The following B3GALT1 variants were observed in gnomAD, a reference collection of about 807,000 sequenced individuals.
B3GALT1 encodes UDP-Gal:betaGlcNAc beta 1,3-galactosyltransferase, polypeptide 1.
A neutral mutation model predicts 23.2 loss-of-function variants in B3GALT1; 10 were observed. The ratio of observed to expected loss-of-function variants is 0.43; its 90% confidence interval spans 0.27 to 0.73. The LOEUF (loss-of-function observed/expected upper bound fraction) is 0.73, where lower values mean the gene tolerates loss of function less well. Ranked by LOEUF, B3GALT1 falls within the 30% of genes least tolerant of loss-of-function variation. The probability of loss-of-function intolerance (pLI) is 0.21; values close to 1 mark genes in which losing one functional copy is unlikely to be tolerated. For missense variants in B3GALT1, 299 were observed against 405.4 expected, an observed-to-expected ratio of 0.74 and a Z score of 2.25; for synonymous variants, 156 against 141.5, an observed-to-expected ratio of 1.10 and a Z score of -0.73.
intron 4 of B3GALT1, among the ~76,000 whole-genome samples, chr2:167,840,450 G>A (rs1403521209): frequency 6.6e-6 from 1 of 151,884 alleles, no homozygotes; most frequent in Non-Finnish European, 1.5e-5. Context: ...GGCCATCAGA[G>A]AAATGCAAAT....
intron 3 of B3GALT1, among the ~76,000 whole-genome samples, chr2:167,692,893 T>A (rs1254135124): frequency 1.3e-5 from 2 of 152,096 alleles, no homozygotes; most frequent in Non-Finnish European, 2.9e-5. Flanking sequence ...AGAAAACTGA[T>A]GAGATGGGCT....
intron 3 of B3GALT1, among the ~76,000 whole-genome samples, chr2:167,721,398 G>T (rs1687230725): frequency 6.6e-6 from 1 of 152,182 alleles, no homozygotes; most frequent in Non-Finnish European, 1.5e-5. Context: ...ATTATTCCCT[G>T]TTGTAAAAAT....
At chr2:167,553,327 T>G (rs1338173671) in intron 2 of B3GALT1, among the ~76,000 whole-genome samples, 4 of 152,152 alleles carry the variant, frequency 2.6e-5, no homozygotes, top group African/African-American at 7.2e-5. Flanking sequence ...TAATAAAACT[T>G]GGGTTAATAA....
chr2:167,337,546 G>A (rs1204610643), intron 1 of B3GALT1, among the ~76,000 whole-genome samples: 1 of 151,922 alleles, frequency 6.6e-6, no homozygotes, highest in African/African-American at 2.4e-5. Context: ...TGCTGAAATA[G>A]ATTTGTGTAT....
At position 167,810,399 on chromosome 2, in the gene B3GALT1, T is replaced by C. The variant is rs1047777964; in HGVS notation, c.-351-8273T>C. Reference sequence around the variant, plus strand: ...CACTGGAAGCTGTAGAGTGGAGCTGTTCCTATTCGGCCATCTTGGCTCCAC... The same window carrying C: ...CACTGGAAGCTGTAGAGTGGAGCTGCTCCTATTCGGCCATCTTGGCTCCAC... On this transcript the variant is annotated intron_variant, in intron 3 of 4. Coordinates refer to ENST00000392690, the MANE Select transcript of B3GALT1 (RefSeq NM_020981.4). 2.7e-5 allele frequency among the ~76,000 whole-genome samples: 4 copies of C among 150,110 alleles called. 1 individual carries two copies. The highest frequency in any genetic ancestry group is 1.0e-4 in the African/African-American group (4 of 39,700).
At chr2:167,510,911 A>G (rs1351005711) in intron 2 of B3GALT1, among the ~76,000 whole-genome samples, 1 of 152,234 alleles carries the variant, frequency 6.6e-6, no homozygotes, top group African/African-American at 2.4e-5. Context: ...ATTTAAAGCT[A>G]TGAGATGGGA....
intron 2 of B3GALT1, among the ~76,000 whole-genome samples, chr2:167,560,820 C>T (rs1683967751): frequency 6.6e-6 from 1 of 152,116 alleles, no homozygotes; most frequent in African/African-American, 2.4e-5. Context: ...TCCTGGGTGA[C>T]CTACAAAGAG....
intron 1 of B3GALT1, among the ~76,000 whole-genome samples, chr2:167,487,031 A>G (rs1322249778): frequency 6.6e-6 from 1 of 152,240 alleles, no homozygotes; most frequent in East Asian, 1.9e-4. Flanking sequence ...AAATGTATAC[A>G]AACAGGAACT....
intron 1 of B3GALT1, among the ~76,000 whole-genome samples, chr2:167,394,685 G>T (rs1218342882): frequency 6.6e-6 from 1 of 152,074 alleles, no homozygotes; most frequent in East Asian, 1.9e-4. Flanking sequence ...CCATCCCTGA[G>T]GCACACTCCA....
At chr2:167,517,650 G>A (rs1700125925) in intron 2 of B3GALT1, among the ~76,000 whole-genome samples, 1 of 152,038 alleles carries the variant, frequency 6.6e-6, no homozygotes, top group Admixed American at 6.6e-5. Context: ...AAGGTGAAAT[G>A]GAAGTTTCTC....
chr2:167,797,161 G>T (rs1688557719), intron 3 of B3GALT1, among the ~76,000 whole-genome samples: 1 of 152,078 alleles, frequency 6.6e-6, no homozygotes, highest in Non-Finnish European at 1.5e-5. Flanking sequence ...AGTGTGTGTT[G>T]TTCCCCACCT....
At chr2:167,703,991 C>T (rs1281223270) in intron 3 of B3GALT1, among the ~76,000 whole-genome samples, 1 of 151,922 alleles carries the variant, frequency 6.6e-6, no homozygotes, top group Non-Finnish European at 1.5e-5. Context: ...ACCTTCCTGG[C>T]TAACACGGTG....
intron 2 of B3GALT1, among the ~76,000 whole-genome samples, chr2:167,567,900 C>G (rs1684205844): frequency 6.6e-6 from 1 of 152,082 alleles, no homozygotes. Context: ...CATCCTCACT[C>G]CCCCTTAGCC....
At chr2:167,679,696 T>C (rs1170371016) in intron 3 of B3GALT1, among the ~76,000 whole-genome samples, 1 of 152,224 alleles carries the variant, frequency 6.6e-6, no homozygotes, top group African/African-American at 2.4e-5. Flanking sequence ...TGAATGACAG[T>C]GAGCAAAGTC....
intron 4 of B3GALT1, among the ~76,000 whole-genome samples, chr2:167,837,711 C>T (rs1307846991): frequency 6.7e-5 from 10 of 148,674 alleles, no homozygotes; most frequent in African/African-American, 2.5e-4. Flanking sequence ...CACCCCAAAT[C>T]AACAGAATAT....
intron 2 of B3GALT1, among the ~76,000 whole-genome samples, chr2:167,557,010 C>T (rs1037897296): frequency 3.3e-5 from 5 of 152,130 alleles, no homozygotes; most frequent in Non-Finnish European, 4.4e-5. Context: ...CTCTGTGATT[C>T]TAAAAACTTG....
intron 4 of B3GALT1, among the ~76,000 whole-genome samples, chr2:167,860,896 C>G (rs539802680): frequency 6.8e-6 from 1 of 147,618 alleles, no homozygotes; most frequent in Non-Finnish European, 1.5e-5. Context: ...AAAAATAAAA[C>G]AAATTTTGCA....
intron 1 of B3GALT1, among the ~76,000 whole-genome samples, chr2:167,447,964 C>T (rs143257479): frequency 0.015 from 2,267 of 152,298 alleles, 23 homozygotes; most frequent in Non-Finnish European, 0.023. Context: ...TAGACTGGAG[C>T]TGTTCCTATT....
intron 2 of B3GALT1, among the ~76,000 whole-genome samples, chr2:167,646,140 A>G (rs1046899240): frequency 6.6e-6 from 1 of 152,178 alleles, no homozygotes; most frequent in Admixed American, 6.5e-5. Flanking sequence ...GGTGCGAAGA[A>G]GTGATTTGGT....
Sources: gnomAD v4.1 joint callset for allele counts (sites outside exome capture counted in the v4.1 genomes callset) on GRCh38, gnomAD v4.1.1 for gene constraint, MANE v1.5 for transcripts, NCBI Gene and HGNC (gene_info 2026-07-23, HGNC 2026-07-21) for gene names.